ABI1: variants seen among roughly 807,000 people sequenced by gnomAD.
ABI1 encodes Abelson interactor 1.
A neutral mutation model predicts 54.6 loss-of-function variants in ABI1; 14 were observed. The ratio of observed to expected loss-of-function variants is 0.26; its 90% CI spans 0.17 to 0.40. The LOEUF is 0.40. Ranked by LOEUF, ABI1 falls within the 10% of genes least tolerant of loss-of-function variation. ABI1 has a pLI of 1.00. For missense variants in ABI1, 443 were observed against 598.3 expected (o/e 0.74, Z 2.71); for synonymous variants, 194 against 209.3 (o/e 0.93, Z 0.63).
Position 26,757,038 on chromosome 10 carries a change from CA to C in ABI1, c.998-1298del, listed in dbSNP as rs1302108388. Among the ~76,000 whole-genome samples, 14 of 152,016 alleles carry C rather than the reference CA, an allele frequency of 9.2e-5. No individual in the cohort carries two copies. In the East Asian group the frequency reaches 2.7e-3, roughly 29 times the overall value. On this transcript the variant is annotated intron_variant, in intron 8 of 10. Transcript: ENST00000376140. ...AGGTTAGAGGTTTTGACTTAAAAAA[CA>C]AAAAACTCTCACAAACCTAAAAAAG...
rs138403679 is a variant in ABI1, at chr10:26,844,276, G to T, written c.117+16471C>A. Among the ~76,000 whole-genome samples, 846 of 152,126 alleles carry T rather than the reference G, an allele frequency of 5.6e-3. 16 individuals carry two copies. The highest frequency in any genetic ancestry group is 0.02 in the African/African-American group (810 of 41,498). ...ACTCGGCTAAACTCATTCTTTAGGA[G>T]AAACTTTGCCTGAGAACCCCCAAAC... On this transcript the variant is annotated intron_variant, in intron 1 of 10. Coordinates refer to ENST00000376140, the MANE Select transcript of ABI1 (RefSeq NM_001012750.3).
In ABI1 at chr10:26,748,021, A is replaced by G. The variant is rs1464126666; in HGVS notation, c.*549T>C. ...GACCTTGGAGACTCAATTCACGTTA[A>G]GACACCTAAGTACGAGTCCTCCAGG... On this transcript the variant is annotated 3_prime_UTR_variant, in exon 11 of 11. Transcript: ENST00000376140. 7.8e-5 allele frequency: 16 copies of G among 204,240 alleles called. No homozygotes were observed. The allele number at this position is 204,240 out of a possible 1,614,324, so 12.7% of individuals were successfully genotyped here.
chr10:26,851,281 A>C (rs1375234887), intron 1 of ABI1, among the ~76,000 whole-genome samples: 2 of 151,666 alleles, frequency 1.3e-5, no homozygotes, highest in African/African-American at 2.4e-5. Context: ...CTGCAGCCTC[A>C]AACTCCTGGG....
chr10:26,828,528 A>G (rs2048453990), intron 1 of ABI1, among the ~76,000 whole-genome samples: 2 of 152,188 alleles, frequency 1.3e-5, no homozygotes, highest in South Asian at 4.1e-4. Flanking sequence ...AATAATTCAC[A>G]CAATTATAAA....
intron 3 of ABI1, among the ~76,000 whole-genome samples, chr10:26,773,957 C>T (rs560819628): frequency 6.6e-6 from 1 of 152,130 alleles, no homozygotes; most frequent in Non-Finnish European, 1.5e-5. Context: ...ACTCCTAGAT[C>T]ACATAATCTT....
intron 1 of ABI1, among the ~76,000 whole-genome samples, chr10:26,838,364 T>C (rs768773769): frequency 6.6e-6 from 1 of 152,112 alleles, no homozygotes; most frequent in Non-Finnish European, 1.5e-5. Flanking sequence ...GGGAACTTCA[T>C]TTTACCTAAT....
At chr10:26,822,723 G>A (rs553853894) in intron 2 of ABI1, among the ~76,000 whole-genome samples, 1 of 152,308 alleles carries the variant, frequency 6.6e-6, no homozygotes, top group Admixed American at 6.5e-5. Context: ...GTAGGAGAAT[G>A]AAGAAATTTG....
At chr10:26,778,025 C>T (rs984272229) in intron 2 of ABI1, among the ~76,000 whole-genome samples, 39 of 151,930 alleles carry the variant, frequency 2.6e-4, no homozygotes, top group Admixed American at 1.2e-3. Flanking sequence ...TAGGTACCTA[C>T]TCTGTACCTA....
chr10:26,782,293 C>T (rs1192944951), intron 2 of ABI1, among the ~76,000 whole-genome samples: 1 of 152,132 alleles, frequency 6.6e-6, no homozygotes, highest in East Asian at 1.9e-4. Flanking sequence ...TGACAGTCTA[C>T]CATCCACAGC....
chr10:26,800,947 G>C (rs909596367), intron 2 of ABI1, among the ~76,000 whole-genome samples: 4 of 152,136 alleles, frequency 2.6e-5, no homozygotes, highest in Admixed American at 1.3e-4. Flanking sequence ...CAGAGGCTGC[G>C]GTGAGCCGAG....
intron 1 of ABI1, among the ~76,000 whole-genome samples, chr10:26,834,741 C>T (rs1414443855): frequency 3.3e-5 from 5 of 151,910 alleles, no homozygotes; most frequent in Admixed American, 6.6e-5. Flanking sequence ...CCAAGGCAGG[C>T]GGATCACCTG....
In ABI1 at chr10:26,759,172, G is replaced by C. The variant is rs375151774; in HGVS notation, c.887C>G (p.Ser296Cys). 7 of 1,614,014 alleles carry C rather than the reference G, an allele frequency of 4.3e-6. No homozygotes were observed. The highest frequency in any genetic ancestry group is 4.2e-6 in the Non-Finnish European group (5 of 1,180,002). Residue 296 changes from serine to cysteine, a missense_variant, in exon 8 of 11, where the codon TCT becomes TGT. Around this residue, in one of 2 missense-constraint regions of ABI1, gnomAD observed 394 missense variants for 484.8 expected, o/e 0.81. Coordinates refer to ENST00000376140, the MANE Select transcript of ABI1 (RefSeq NM_001012750.3). ...ACCAGAAGATGTCGAAGAAGTAGTA[G>C]AGTTGTGTCGAGATATCTGCCTGGT... ...TMTRQISRHN[S>C]TTSSTSSGGY...
chr10:26,813,809 A>G (rs2047389266), intron 2 of ABI1, among the ~76,000 whole-genome samples: 1 of 152,212 alleles, frequency 6.6e-6, no homozygotes, highest in Non-Finnish European at 1.5e-5. Context: ...TTTTTTCATT[A>G]AAATGTTATT....
chr10:26,754,952 CA>C (rs939860113), intron 9 of ABI1, among the ~76,000 whole-genome samples: 22 of 149,140 alleles, frequency 1.5e-4, no homozygotes, highest in African/African-American at 5.2e-4. Context: ...TCCCCCCCCA[CA>C]AAAAAAAATC....
intron 1 of ABI1, among the ~76,000 whole-genome samples, chr10:26,829,632 G>A (rs919708057): frequency 7.9e-5 from 12 of 151,946 alleles, no homozygotes; most frequent in South Asian, 2.1e-4. Context: ...AAAAGCCACC[G>A]AGGAATTTTC....
chr10:26,794,932 C>T (rs1461158449), intron 2 of ABI1, among the ~76,000 whole-genome samples: 2 of 151,858 alleles, frequency 1.3e-5, no homozygotes, highest in Non-Finnish European at 2.9e-5. Context: ...TTGCTTGAGG[C>T]CAGGAGTTTG....
chr10:26,763,879 C>A (rs1254652818), intron 7 of ABI1: 1 of 1,611,474 alleles, frequency 6.2e-7, no homozygotes, highest in East Asian at 2.2e-5. Context: ...TGCAATCTCA[C>A]CTATCACAGT....
chr10:26,851,374 T>TTTTTTTTG (rs2050377909), intron 1 of ABI1, among the ~76,000 whole-genome samples: 2 of 145,198 alleles, frequency 1.4e-5, no homozygotes, highest in Non-Finnish European at 3.0e-5. Context: ...TTTTTTTTTT[T>TTTTTTTTG]GAGACAGGGT....
intron 2 of ABI1, among the ~76,000 whole-genome samples, chr10:26,813,422 G>A (rs1474784237): frequency 2.6e-5 from 4 of 152,192 alleles, no homozygotes; most frequent in Admixed American, 6.5e-5. Context: ...AATGTATGAC[G>A]GAGAGCCAAA....
Sources: gnomAD v4.1 joint callset for allele counts (sites outside exome capture counted in the v4.1 genomes callset) on GRCh38, gnomAD v4.1.1 for gene constraint, gnomAD v4.1.1 regional missense constraint, MANE v1.5 for transcripts, NCBI Gene and HGNC (gene_info 2026-07-23, HGNC 2026-07-21) for gene names.